Variants in ZMIZ1 observed in about 807,000 individuals in gnomAD.
The protein encoded by ZMIZ1 is zinc finger MIZ domain-containing protein 1.
Under a neutral mutation model 113.9 loss-of-function variants are expected in ZMIZ1, and 17 were observed. The ratio of observed to expected loss-of-function variants is 0.15; its 90% CI spans 0.10 to 0.22. ZMIZ1 has a LOEUF of 0.22. Ranked by LOEUF, ZMIZ1 falls within the 10% of genes least tolerant of loss-of-function variation. ZMIZ1 has a pLI of 1.00. For synonymous variants in ZMIZ1, 607 were observed against 603.1 expected (o/e 1.01, Z -0.09); for missense variants, 1,059 against 1,477.8 (o/e 0.72, Z 4.65).
intron 7 of ZMIZ1, among the ~76,000 whole-genome samples, chr10:79,256,506 A>G (rs1306326614): frequency 1.3e-5 from 2 of 152,176 alleles, no homozygotes; most frequent in Non-Finnish European, 2.9e-5. Flanking sequence ...CCACAGTCCA[A>G]GCCAGGTGGG....
chr10:79,131,370 G>A (rs1187583003), intron 2 of ZMIZ1, among the ~76,000 whole-genome samples: 2 of 152,246 alleles, frequency 1.3e-5, no homozygotes, highest in African/African-American at 2.4e-5. Context: ...CTGGGGCTCA[G>A]CAGCCACACT....
At chr10:79,295,264 C>T (rs1038968791) in intron 12 of ZMIZ1, 4 of 152,274 alleles carry the variant, frequency 2.6e-5, no homozygotes, top group African/African-American at 9.6e-5. Context: ...CACCCCTGCA[C>T]CTGCACCTGT....
intron 7 of ZMIZ1, among the ~76,000 whole-genome samples, chr10:79,231,199 C>T (rs1849381031): frequency 6.6e-6 from 1 of 152,284 alleles, no homozygotes; most frequent in Non-Finnish European, 1.5e-5. Flanking sequence ...GCGTGACACA[C>T]ACCCAGAACT....
At chr10:79,120,054 G>C (rs952661776) in intron 2 of ZMIZ1, among the ~76,000 whole-genome samples, 1 of 152,174 alleles carries the variant, frequency 6.6e-6, no homozygotes, top group South Asian at 2.1e-4. Context: ...AGGCTGGGGG[G>C]AGAATTCTGG....
intron 2 of ZMIZ1, among the ~76,000 whole-genome samples, chr10:79,128,307 C>G (rs1009279814): frequency 6.6e-6 from 1 of 152,202 alleles, no homozygotes; most frequent in East Asian, 1.9e-4. Flanking sequence ...GCACCATACT[C>G]GACCCAGACA....
At chr10:79,144,973 C>T (rs1035099813) in intron 3 of ZMIZ1, among the ~76,000 whole-genome samples, 10 of 151,960 alleles carry the variant, frequency 6.6e-5, no homozygotes, top group African/African-American at 2.4e-4. Flanking sequence ...TCATTTCCCA[C>T]CTCCTCGCCA....
In ZMIZ1 at chr10:79,302,224, T is replaced by TGGGGACG; in HGVS notation, c.2125+17_2125+23dup. On this transcript the variant is annotated intron_variant, in intron 18 of 24. Transcript: ENST00000334512. ...CTGTATCACGAAAAGTGAGTCAGGGTGGGGACGGGGGTGAGGGCCAGACTC... is the reference window on the plus strand; with the variant it reads ...CTGTATCACGAAAAGTGAGTCAGGGTGGGGACGGGGGACGGGGGTGAGGGCCAGACTC... 6.2e-7 allele frequency: 1 copy of TGGGGACG among 1,611,430 alleles called. No homozygotes were observed. Among genetic ancestry groups the TGGGGACG allele is most frequent in the Non-Finnish European group, 8.5e-7 (1 of 1,179,596 alleles).
intron 14 of ZMIZ1, among the ~76,000 whole-genome samples, 158 bp downstream of exon 14, chr10:79,297,848 C>T (rs995217354): frequency 6.6e-6 from 1 of 152,122 alleles, no homozygotes; most frequent in Non-Finnish European, 1.5e-5. Flanking sequence ...ATGCTCAGGA[C>T]TGAGAATCCA....
chr10:79,232,608 C>T (rs1849434387), intron 7 of ZMIZ1, among the ~76,000 whole-genome samples: 2 of 151,982 alleles, frequency 1.3e-5, no homozygotes, highest in Admixed American at 6.6e-5. Context: ...GTACCAGGGG[C>T]GAGGCTGGCA....
At chr10:79,275,329 G>C (rs1006653065) in intron 7 of ZMIZ1, among the ~76,000 whole-genome samples, 21 of 152,326 alleles carry the variant, frequency 1.4e-4, no homozygotes, top group Middle Eastern at 3.4e-3. Flanking sequence ...ACGGAGGGGG[G>C]CAGGACACAT....
intron 1 of ZMIZ1, among the ~76,000 whole-genome samples, chr10:79,107,369 T>C (rs1182646682): frequency 6.6e-5 from 10 of 152,218 alleles, no homozygotes; most frequent in African/African-American, 2.4e-4. Flanking sequence ...TGTGCCTCAG[T>C]TTCTTCATTG....
chr10:79,201,574 C>G lies in ZMIZ1; in HGVS notation c.-49-10C>G. The G allele has an allele frequency of 6.3e-7, 1 of 1,598,866 alleles. No homozygotes were observed. On this transcript the variant is annotated splice_polypyrimidine_tract_variant and intron_variant, in intron 4 of 24. Transcript: ENST00000334512. Reference sequence around the variant, plus strand: ...GTGATCCAGTGACAACCTCTCCTTTCTCTTCGCAGGCTGGACAACGTTCAT... The same window carrying G: ...GTGATCCAGTGACAACCTCTCCTTTGTCTTCGCAGGCTGGACAACGTTCAT...
At chr10:79,080,300 CTTTT>C (rs10592440) in intron 1 of ZMIZ1, among the ~76,000 whole-genome samples, 4 of 85,022 alleles carry the variant, frequency 4.7e-5, no homozygotes, top group Admixed American at 1.3e-4. Flanking sequence ...TCGGGTGTGA[CTTTT>C]TTTTTTTTTT....
intron 7 of ZMIZ1, among the ~76,000 whole-genome samples, chr10:79,259,367 G>C (rs1307586487): frequency 6.6e-6 from 1 of 152,024 alleles, no homozygotes; most frequent in African/African-American, 2.4e-5. Context: ...AGCCTTCCTG[G>C]GTCGCTGCAC....
At chr10:79,242,905 T>A (rs1043939923) in intron 7 of ZMIZ1, among the ~76,000 whole-genome samples, 8 of 151,458 alleles carry the variant, frequency 5.3e-5, no homozygotes, top group African/African-American at 1.9e-4. Context: ...GTGAGCTGCC[T>A]CCGATTCATA....
At chr10:79,083,276 G>A (rs1564640280) in intron 1 of ZMIZ1, among the ~76,000 whole-genome samples, 1 of 152,228 alleles carries the variant, frequency 6.6e-6, no homozygotes, top group Non-Finnish European at 1.5e-5. Flanking sequence ...ACCTCAGGGA[G>A]ACAGGGAAGT....
Position 79,298,517 on chromosome 10 carries a change from G to A in ZMIZ1, c.1603G>A (p.Asp535Asn), listed in dbSNP as rs750935958. 2 of 1,601,344 alleles carry A rather than the reference G, an allele frequency of 1.2e-6. No individual in the cohort carries two copies. Among genetic ancestry groups the A allele is most frequent in the Non-Finnish European group, 1.7e-6 (2 of 1,174,566 alleles). ...CCCTCCATACCTGTCCCCCAGCCAAGACGTCAAACCACCCTTCCCGCCTGA... is the reference window on the plus strand; with the variant it reads ...CCCTCCATACCTGTCCCCCAGCCAAAACGTCAAACCACCCTTCCCGCCTGA... ...SIPPYLSPSQ[D>N]VKPPFPPDIK... Residue 535 changes from aspartate to asparagine, a missense_variant, in exon 15 of 25, where the codon GAC becomes AAC. Transcript: ENST00000334512.
At chr10:79,081,578 C>A (rs56358128) in intron 1 of ZMIZ1, among the ~76,000 whole-genome samples, 19,759 of 152,228 alleles carry the variant, frequency 0.13, 1,415 homozygotes, top group East Asian at 0.2. Flanking sequence ...GCCAGAGCCC[C>A]CTCACTGGAG....
chr10:79,124,302 C>T (rs185002590), intron 2 of ZMIZ1, among the ~76,000 whole-genome samples: 5 of 152,178 alleles, frequency 3.3e-5, no homozygotes, highest in Non-Finnish European at 7.3e-5. Flanking sequence ...TGTCAACAAC[C>T]CATTGAAGTT....
Sources: allele counts gnomAD v4.1 joint callset (sites outside exome capture counted in the v4.1 genomes callset), GRCh38; gene constraint gnomAD v4.1.1; transcripts MANE v1.5; gene names NCBI Gene and HGNC (gene_info 2026-07-23, HGNC 2026-07-21).